CTTNBP2NL: variants seen among roughly 807,000 people sequenced by gnomAD.
CTTNBP2NL encodes CTTNBP2 N-terminal like.
Under a neutral mutation model 32.5 loss-of-function variants are expected in CTTNBP2NL, and 16 were observed. The ratio of observed to expected loss-of-function variants is 0.49; its 90% CI spans 0.33 to 0.75. CTTNBP2NL has a LOEUF of 0.75. CTTNBP2NL is among the 30% of genes least tolerant of loss of function. CTTNBP2NL has a pLI of 0.02. For missense variants in CTTNBP2NL, 645 were observed against 756.0 expected (o/e 0.85, Z 1.72); for synonymous variants, 298 against 289.4 (o/e 1.03, Z -0.30).
chr1:112,429,414 A>T (rs1182292797), intron 3 of CTTNBP2NL, among the ~76,000 whole-genome samples: 2 of 152,204 alleles, frequency 1.3e-5, no homozygotes, highest in African/African-American at 4.8e-5. Context: ...TGGGAGGCTG[A>T]AGCAGGAGGA....
rs1355755154 is a variant in CTTNBP2NL at position 112,458,943 on chromosome 1, G to T, written c.*1531G>T. 6.6e-6 allele frequency: 1 copy of T among 152,182 alleles called. No homozygotes were observed. The highest frequency in any genetic ancestry group is 2.4e-5 in the African/African-American group (1 of 41,436). The allele number at this position is 152,182 out of a possible 1,614,324, so 9.4% of individuals were successfully genotyped here. ...GCAGTGGGAGCTGTGGCAAACTAAAGTGCCCAAGCCGCATTTAAAAAGGGC... is the reference window on the plus strand; with the variant it reads ...GCAGTGGGAGCTGTGGCAAACTAAATTGCCCAAGCCGCATTTAAAAAGGGC... On this transcript the variant is annotated 3_prime_UTR_variant, in exon 6 of 6. Coordinates refer to ENST00000271277, the MANE Select transcript of CTTNBP2NL (RefSeq NM_018704.3).
intron 3 of CTTNBP2NL, among the ~76,000 whole-genome samples, chr1:112,434,402 T>C (rs925290878): frequency 6.6e-6 from 1 of 152,194 alleles, no homozygotes; most frequent in Non-Finnish European, 1.5e-5. Flanking sequence ...TCTGTGTGTC[T>C]TCCCTCTTTG....
At chr1:112,445,838 G>T (rs1430181082) in intron 3 of CTTNBP2NL, among the ~76,000 whole-genome samples, 1 of 152,032 alleles carries the variant, frequency 6.6e-6, no homozygotes, top group Non-Finnish European at 1.5e-5. Context: ...CATATTTTGG[G>T]GATTAGTTAA....
At chr1:112,430,365 A>G (rs1227598578) in intron 3 of CTTNBP2NL, among the ~76,000 whole-genome samples, 2 of 151,710 alleles carry the variant, frequency 1.3e-5, no homozygotes, top group Non-Finnish European at 1.5e-5. Context: ...AGCTGGGACT[A>G]TAGGCTTGCA....
chr1:112,442,911 G>A (rs1279158799), intron 3 of CTTNBP2NL, among the ~76,000 whole-genome samples: 1 of 151,932 alleles, frequency 6.6e-6, no homozygotes, highest in South Asian at 2.1e-4. Flanking sequence ...GGCTGCTCTC[G>A]AACTTCTGAC....
At position 112,412,282 on chromosome 1, in the gene CTTNBP2NL, A is replaced by G. The variant is rs1368468365; in HGVS notation, c.-45A>G. On this transcript the variant is annotated 5_prime_UTR_variant, in exon 2 of 6. It adds an upstream start codon to the 5' untranslated region. Transcript: ENST00000271277. ...TTACTGAAGAAAACTGTAAGTTTAT[A>G]CTTGAGGACTGAAGTGTGACTCTGC... 6.6e-6 allele frequency: 1 copy of G among 152,318 alleles called. No homozygotes were observed. The highest frequency in any genetic ancestry group is 2.4e-5 in the African/African-American group (1 of 41,572). The allele number at this position is 152,318 out of a possible 1,614,324, so 9.4% of individuals were successfully genotyped here. A position where few individuals can be genotyped will look rare whatever the true frequency, so the allele number is the denominator to read the frequency against.
intron 3 of CTTNBP2NL, among the ~76,000 whole-genome samples, chr1:112,436,096 T>C (rs1373584675): frequency 6.6e-6 from 1 of 151,510 alleles, no homozygotes; most frequent in Non-Finnish European, 1.5e-5. Context: ...TGTTTTATTG[T>C]TGCTTGTTTG....
intron 3 of CTTNBP2NL, among the ~76,000 whole-genome samples, chr1:112,434,218 T>C (rs995256129): frequency 1.3e-5 from 2 of 152,236 alleles, no homozygotes; most frequent in African/African-American, 2.4e-5. Flanking sequence ...AGATTTGTTA[T>C]TCTCTTATAC....
At position 112,409,580 on chromosome 1, in the gene CTTNBP2NL, A is replaced by C. The variant is rs184949830; in HGVS notation, c.-133-2614A>C. ...ATATGCTCACACCCAGATAATAGAC[A>C]GACAAACATCTTGCTTGTACTCCAC... On this transcript the variant is annotated intron_variant, in intron 1 of 5. Coordinates refer to ENST00000271277, the MANE Select transcript of CTTNBP2NL (RefSeq NM_018704.3). 5.3e-5 allele frequency among the ~76,000 whole-genome samples: 8 copies of C among 152,304 alleles called. No homozygotes were observed. The East Asian group carries it at 1.3e-3, about 26-fold the overall frequency.
intron 1 of CTTNBP2NL, among the ~76,000 whole-genome samples, chr1:112,399,488 C>G (rs1243597368): frequency 6.6e-6 from 1 of 152,102 alleles, no homozygotes; most frequent in African/African-American, 2.4e-5. Context: ...TGTAATTATA[C>G]AGGCTGATTA....
chr1:112,442,591 G>GA (rs112146941), intron 3 of CTTNBP2NL, among the ~76,000 whole-genome samples: 45 of 149,156 alleles, frequency 3.0e-4, no homozygotes, highest in Admixed American at 1.0e-3. Flanking sequence ...AGAACAAAAA[G>GA]AAAAAAAAAT....
upstream of CTTNBP2NL, among the ~76,000 whole-genome samples, chr1:112,395,732 GA>G (rs5777109): frequency 0.51 from 73,862 of 145,598 alleles, 21,998 homozygotes; most frequent in African/African-American, 0.85. Flanking sequence ...CCAGAAAAAA[GA>G]AAAAAAAAAA....
chr1:112,456,592 A>G lies in CTTNBP2NL; in HGVS notation c.1100A>G (p.Asn367Ser), dbSNP rs1213630595. Residue 367 changes from asparagine (N) to serine (S), a missense_variant, in exon 6 of 6, where the codon AAT (asparagine) becomes AGT (serine). Transcript: ENST00000271277. ...QTTRELTAGN[N>S]VENQVPPREK... ...ACCAGGGAGCTGACTGCAGGCAACA[A>G]TGTAGAAAACCAGGTGCCTCCACGG... 1 of 1,614,174 alleles carries G rather than the reference A, an allele frequency of 6.2e-7. No homozygotes were observed. The highest frequency in any genetic ancestry group is 2.2e-5 in the East Asian group (1 of 44,870).
chr1:112,426,509 T>C (rs1427191113), intron 3 of CTTNBP2NL, among the ~76,000 whole-genome samples: 1 of 151,272 alleles, frequency 6.6e-6, no homozygotes, highest in East Asian at 1.9e-4. Context: ...TTGGGCAATA[T>C]AGCAAGACCC....
At chr1:112,392,084 C>G (rs1241204586), upstream of CTTNBP2NL, among the ~76,000 whole-genome samples, 1 of 152,164 alleles carries the variant, frequency 6.6e-6, no homozygotes, top group Non-Finnish European at 1.5e-5. Flanking sequence ...TTCTATAAAT[C>G]AAAATTGAAA....
At chr1:112,449,724 A>AGG (rs1284711127) in intron 4 of CTTNBP2NL, among the ~76,000 whole-genome samples, 12 of 115,568 alleles carry the variant, frequency 1.0e-4, no homozygotes, top group African/African-American at 4.7e-4. Flanking sequence ...TCTATTAGTG[A>AGG]GGGGTGTGTG....
chr1:112,410,786 C>T (rs1648836252), intron 1 of CTTNBP2NL, among the ~76,000 whole-genome samples: 1 of 151,742 alleles, frequency 6.6e-6, no homozygotes, highest in African/African-American at 2.4e-5. Context: ...GGGAATGAGT[C>T]CATAGACTTA....
At chr1:112,411,829 C>T (rs1648876664) in intron 1 of CTTNBP2NL, among the ~76,000 whole-genome samples, 1 of 152,062 alleles carries the variant, frequency 6.6e-6, no homozygotes, top group Non-Finnish European at 1.5e-5. Context: ...ACCACAGGCA[C>T]CCGCCACCAC....
intron 1 of CTTNBP2NL, among the ~76,000 whole-genome samples, chr1:112,399,469 G>A (rs1279870842): frequency 6.6e-6 from 1 of 152,132 alleles, no homozygotes; most frequent in Non-Finnish European, 1.5e-5. Flanking sequence ...ACAGCCTTGG[G>A]TCCCTAAGTG....
Sources: gnomAD v4.1 joint callset for allele counts (sites outside exome capture counted in the v4.1 genomes callset) on GRCh38, gnomAD v4.1.1 for gene constraint, MANE v1.5 for transcripts, NCBI Gene and HGNC (gene_info 2026-07-23, HGNC 2026-07-21) for gene names.